Variants in ADAMTS2 observed in about 807,000 individuals in gnomAD.
ADAMTS2 encodes A disintegrin and metalloproteinase with thrombospondin motifs 2.
ADAMTS2 carries 50 observed loss-of-function variants against 123.0 expected under a neutral mutation model. The ratio of observed to expected loss-of-function variants is 0.41; its 90% CI spans 0.32 to 0.51. The LOEUF (loss-of-function observed/expected upper bound fraction) is 0.51, where lower values mean the gene tolerates loss of function less well. Ranked by LOEUF, ADAMTS2 falls within the 20% of genes least tolerant of loss-of-function variation. ADAMTS2 has a pLI of 0.35. For synonymous variants in ADAMTS2, 678 were observed against 695.4 expected (o/e 0.98, Z 0.39); for missense variants, 1,494 against 1,705.2 (o/e 0.88, Z 2.18).
Position 179,130,642 on chromosome 5 carries a change from G to A in ADAMTS2, c.2291-544C>T, listed in dbSNP as rs1176955144. On this transcript the variant is annotated intron_variant, in intron 15 of 21. Transcript: ENST00000251582. The surrounding 1 kb of genome is among the most constrained non-coding windows in gnomAD (Gnocchi z 4.3). Reference sequence around the variant, plus strand: ...CAGAAGAGGCCTGGCCTGATTGGGTGACACTCAGGTCATCTAGGAGCAGAG... The same window carrying A: ...CAGAAGAGGCCTGGCCTGATTGGGTAACACTCAGGTCATCTAGGAGCAGAG... 2.0e-5 allele frequency among the ~76,000 whole-genome samples: 3 copies of A among 152,188 alleles called. No individual in the cohort carries two copies. The highest frequency in any genetic ancestry group is 7.2e-5 in the African/African-American group (3 of 41,446).
intron 3 of ADAMTS2, among the ~76,000 whole-genome samples, chr5:179,265,544 T>C (rs1766345887): frequency 6.6e-6 from 1 of 151,830 alleles, no homozygotes; most frequent in East Asian, 1.9e-4. Flanking sequence ...GCCCAGGGGG[T>C]GGGAAGCACC....
In ADAMTS2 at chr5:179,312,841, A is replaced by G. The variant is rs904200916; in HGVS notation, c.534+30926T>C. 6.6e-6 allele frequency among the ~76,000 whole-genome samples: 1 copy of G among 152,066 alleles called. No individual in the cohort carries two copies. Among genetic ancestry groups the G allele is most frequent in the Non-Finnish European group, 1.5e-5 (1 of 68,014 alleles). ...CCTGCGTTTTGCCCTGTTGAAACTG[A>G]TTTCAGCCTCCAGAACCGTGAGAGG... On this transcript the variant is annotated intron_variant, in intron 2 of 21. Coordinates refer to ENST00000251582, the MANE Select transcript of ADAMTS2 (RefSeq NM_014244.5). The surrounding 1 kb of genome is among the most constrained non-coding windows in gnomAD (Gnocchi z 4.2).
chr5:179,210,861 AC>A (rs1243528129), intron 3 of ADAMTS2, among the ~76,000 whole-genome samples: 1 of 152,192 alleles, frequency 6.6e-6, no homozygotes, highest in African/African-American at 2.4e-5. Flanking sequence ...AATAAGATTG[AC>A]CCTGACCCTG....
At chr5:179,138,839 G>A (rs570900036) in intron 11 of ADAMTS2, among the ~76,000 whole-genome samples, 16 of 152,340 alleles carry the variant, frequency 1.1e-4, no homozygotes, top group Admixed American at 3.3e-4. Context: ...AGCAAGGAGA[G>A]CAGCCCGAGT....
intron 10 of ADAMTS2, among the ~76,000 whole-genome samples, chr5:179,150,064 AG>A (rs1366970544): frequency 6.6e-6 from 1 of 152,170 alleles, no homozygotes; most frequent in African/African-American, 2.4e-5. Context: ...CAGGAAAAGC[AG>A]GGGGCAATCA....
At chr5:179,336,510 G>A (rs1757617717) in intron 2 of ADAMTS2, among the ~76,000 whole-genome samples, 1 of 152,102 alleles carries the variant, frequency 6.6e-6, no homozygotes, top group Non-Finnish European at 1.5e-5. Flanking sequence ...GTGGCAGTGG[G>A]GCCCGCGCCT....
At chr5:179,291,963 T>C (rs970144856) in intron 2 of ADAMTS2, among the ~76,000 whole-genome samples, 22 of 151,914 alleles carry the variant, frequency 1.4e-4, no homozygotes, top group African/African-American at 5.1e-4. Flanking sequence ...GGGCTGATGT[T>C]GAACTCCTGG....
intron 10 of ADAMTS2, among the ~76,000 whole-genome samples, chr5:179,140,993 T>TTAG (rs1183659628): frequency 6.6e-5 from 10 of 151,822 alleles, no homozygotes; most frequent in Non-Finnish European, 5.9e-5. Context: ...TTTTTTATTT[T>TTAG]TAGTAGACAC....
At chr5:179,159,159 C>A (rs1763547576) in intron 5 of ADAMTS2, among the ~76,000 whole-genome samples, 1 of 152,190 alleles carries the variant, frequency 6.6e-6, no homozygotes, top group African/African-American at 2.4e-5. Context: ...TCATCTAAGG[C>A]CTCGCATAGT....
intron 2 of ADAMTS2, among the ~76,000 whole-genome samples, chr5:179,320,888 C>T (rs939277486): frequency 6.6e-6 from 1 of 152,158 alleles, no homozygotes; most frequent in Admixed American, 6.5e-5. Context: ...CAGCTGCCTG[C>T]ATCCATTTTT....
Position 179,130,201 on chromosome 5 carries a change from C to A in ADAMTS2, c.2291-103G>T. 1 of 1,428,238 alleles carries A rather than the reference C, an allele frequency of 7.0e-7. No individual in the cohort carries two copies. The highest frequency in any genetic ancestry group is 2.3e-5 in the East Asian group (1 of 42,740). 88.5% of individuals were successfully genotyped at this position (1,428,238 alleles called of 1,614,324 possible). A position where few individuals can be genotyped will look rare whatever the true frequency, so the allele number is the denominator to read the frequency against. Reference sequence around the variant, plus strand: ...GGAGTGGGGGCAGCTAGCTGGACCCCTTGTCTCTCTGGCTGCCCCCGGCCA... The same window carrying A: ...GGAGTGGGGGCAGCTAGCTGGACCCATTGTCTCTCTGGCTGCCCCCGGCCA... On this transcript the variant is annotated intron_variant, in intron 15 of 21. Transcript: ENST00000251582. The surrounding 1 kb of genome is among the most constrained non-coding windows in gnomAD (Gnocchi z 4.3).
chr5:179,180,877 T>C lies in ADAMTS2; in HGVS notation c.975+195A>G, dbSNP rs1399489914. Among the ~76,000 whole-genome samples the C allele has an allele frequency of 6.6e-6, 1 of 152,092 alleles. No individual in the cohort carries two copies. Among genetic ancestry groups the C allele is most frequent in the Non-Finnish European group, 1.5e-5 (1 of 68,014 alleles). ...GTAACAGACTCTTTTCAGTGAACAA[T>C]AGTAATGGCCACATTTTAAAACAAG... On this transcript the variant is annotated intron_variant, in intron 5 of 21. Transcript: ENST00000251582. This position sits in a 1 kb window ranked among gnomAD's most constrained non-coding sequence, Gnocchi z 4.6.
At chr5:179,222,119 C>T (rs1284304146) in intron 3 of ADAMTS2, among the ~76,000 whole-genome samples, 1 of 152,136 alleles carries the variant, frequency 6.6e-6, no homozygotes, top group African/African-American at 2.4e-5. Flanking sequence ...GTGTGAACTC[C>T]GTGGGTCCAG....
At chr5:179,330,130 C>T (rs1757444227) in intron 2 of ADAMTS2, among the ~76,000 whole-genome samples, 1 of 84,328 alleles carries the variant, frequency 1.2e-5, no homozygotes, top group African/African-American at 4.4e-5. Flanking sequence ...GAGACTCCGT[C>T]TCAAAAAAAA....
Position 179,125,024 on chromosome 5 carries a change from G to A in ADAMTS2, c.2907C>T (p.Ala969=), listed in dbSNP as rs752985024. The A allele has an allele frequency of 1.9e-6, 3 of 1,607,770 alleles. No individual in the cohort carries two copies. Among genetic ancestry groups the A allele is most frequent in the South Asian group, 2.2e-5 (2 of 90,400 alleles). Residue 969 remains alanine (A), a synonymous_variant, in exon 19 of 22, where the codon GCC becomes GCT. Transcript: ENST00000251582. Reference sequence around the variant, plus strand: ...GACCAGGGCAGAGCTCGCGGCTGCAGGCCCGGCGGCTCTCGGGCCGGGCGT... The same window carrying A: ...GACCAGGGCAGAGCTCGCGGCTGCAAGCCCGGCGGCTCTCGGGCCGGGCGT... The part of the protein sequence containing the change: ...CNDARPESRR[A]CSRELCPGRW...
intron 3 of ADAMTS2, among the ~76,000 whole-genome samples, chr5:179,251,848 C>T (rs898274700): frequency 2.0e-5 from 3 of 151,988 alleles, no homozygotes. Flanking sequence ...AGATTACTGA[C>T]ACTTTTTTTT....
At chr5:179,135,406 T>C (rs1013556909) in intron 13 of ADAMTS2, among the ~76,000 whole-genome samples, 1 of 152,094 alleles carries the variant, frequency 6.6e-6, no homozygotes, top group African/African-American at 2.4e-5. Context: ...CACGAGATTG[T>C]TTTTCCTGAC....
chr5:179,255,316 C>G (rs149571811), intron 3 of ADAMTS2, among the ~76,000 whole-genome samples: 1 of 152,122 alleles, frequency 6.6e-6, no homozygotes, highest in Non-Finnish European at 1.5e-5. Flanking sequence ...GCAAGTGAAC[C>G]GGGTAACAAA....
At chr5:179,176,395 C>T (rs978726315) in intron 5 of ADAMTS2, among the ~76,000 whole-genome samples, 1 of 152,190 alleles carries the variant, frequency 6.6e-6, no homozygotes, top group Non-Finnish European at 1.5e-5. Flanking sequence ...GACCCACATC[C>T]ACATCTTCTT....
Sources: allele counts gnomAD v4.1 joint callset (sites outside exome capture counted in the v4.1 genomes callset), GRCh38; gene constraint gnomAD v4.1.1; non-coding constraint Gnocchi (gnomAD v3.1); transcripts MANE v1.5; gene names NCBI Gene and HGNC (gene_info 2026-07-23, HGNC 2026-07-21).